The following ATP12A variants were observed in gnomAD, a reference collection of about 807,000 sequenced individuals.
The protein encoded by ATP12A is ATPase H+/K+ transporting non-gastric alpha2 subunit.
ATP12A carries 81 observed loss-of-function variants against 111.2 expected under a neutral mutation model. The observed-to-expected ratio is 0.73, with a 90% confidence interval of 0.61 to 0.88. ATP12A has a LOEUF of 0.88. ATP12A is among the 40% of genes least tolerant of loss of function. The probability of loss-of-function intolerance (pLI) is 0.00; values close to 1 mark genes in which losing one functional copy is unlikely to be tolerated. For missense variants in ATP12A, 1,196 were observed against 1,313.1 expected, an observed-to-expected ratio of 0.91 and a Z score of 1.38; for synonymous variants, 498 against 499.8, an observed-to-expected ratio of 1.00 and a Z score of 0.05.
At chr13:24,682,941 G>A (rs1593129437) in intron 2 of ATP12A, among the ~76,000 whole-genome samples, 1 of 148,882 alleles carries the variant, frequency 6.7e-6, no homozygotes, top group Non-Finnish European at 1.5e-5. Flanking sequence ...GAAGAGCTCT[G>A]GAGTTATTAA....
At chr13:24,708,950 AAAGAAAGAAAGAAGG>A (rs1194226587) in intron 17 of ATP12A, among the ~76,000 whole-genome samples, 13 of 131,572 alleles carry the variant, frequency 9.9e-5, no homozygotes, top group African/African-American at 3.4e-4. Context: ...AGAAAGAAAG[AAAGAAAGAAAGAAGG>A]AAAGAGAAAG....
rs1364737815 is a variant in ATP12A at position 24,680,531 on chromosome 13, C to G, written c.-213C>G. On this transcript the variant is annotated 5_prime_UTR_variant, in exon 1 of 23. Transcript: ENST00000381946. ...CTGGCGGGGACGTGGGCGGGGCGGGCGGCATTTAAGGCTGGTGCCACCTCC... is the reference window on the plus strand; with the variant it reads ...CTGGCGGGGACGTGGGCGGGGCGGGGGGCATTTAAGGCTGGTGCCACCTCC... The G allele has an allele frequency of 5.9e-6, 3 of 505,210 alleles. No individual in the cohort carries two copies. The highest frequency in any genetic ancestry group is 1.0e-5 in the Non-Finnish European group (3 of 299,208). 31.3% of individuals were successfully genotyped at this position (505,210 alleles called of 1,614,324 possible).
rs192022986 is a variant in ATP12A at position 24,701,607 on chromosome 13, A to G, written c.1882-328A>G. ...TCAGCCCCCATAATCCATGTTCATCATTACTAGGTTAATATTAAGACTGTT... is the reference window on the plus strand; with the variant it reads ...TCAGCCCCCATAATCCATGTTCATCGTTACTAGGTTAATATTAAGACTGTT... On this transcript the variant is annotated intron_variant, in intron 13 of 22. Coordinates refer to ENST00000381946, the MANE Select transcript of ATP12A (RefSeq NM_001676.7). Among the ~76,000 whole-genome samples the G allele has an allele frequency of 1.4e-3, 211 of 152,308 alleles. 1 individual carries two copies. Among genetic ancestry groups the G allele is most frequent in the African/African-American group, 4.5e-3 (188 of 41,568 alleles).
rs149586950 is a variant in ATP12A, at chr13:24,700,880, C to T, written c.1839C>T (p.Thr613=). ...CAATGATCGATCCCCCTCGGTCCAC[C>T]GTGCCAGATGCAGTCACCAAATGCC... ...LLSMIDPPRS[T]VPDAVTKCRS... is the part of the protein sequence containing the mutation. The change falls in exon 13 of 23, where the codon ACC becomes ACT. Residue 613 remains threonine (T), a synonymous_variant. Coordinates refer to ENST00000381946, the MANE Select transcript of ATP12A (RefSeq NM_001676.7). 242 of 1,614,154 alleles carry T rather than the reference C, an allele frequency of 1.5e-4. No homozygotes were observed. Among genetic ancestry groups the T allele is most frequent in the African/African-American group, 3.2e-4 (24 of 75,040 alleles).
rs867658895 is a variant in ATP12A, at chr13:24,711,805, T to G, written c.*283T>G. On this transcript the variant is annotated 3_prime_UTR_variant, in exon 23 of 23. Transcript: ENST00000381946. ...AGGGAAGAATGTGTTTATGTGTATT[T>G]GAAACTCCTTGATGTTAATAGTCTT... The G allele has an allele frequency of 2.7e-4, 131 of 490,624 alleles. 1 individual carries two copies. The highest frequency in any genetic ancestry group is 2.6e-3 in the South Asian group (122 of 46,490). 30.4% of individuals were successfully genotyped at this position (490,624 alleles called of 1,614,324 possible).
intron 12 of ATP12A, among the ~76,000 whole-genome samples, chr13:24,699,178 C>T (rs1343711719): frequency 2.0e-5 from 3 of 152,140 alleles, no homozygotes; most frequent in African/African-American, 7.2e-5. Flanking sequence ...GGCAGAACGG[C>T]GTGGGGCACA....
chr13:24,692,872 A>G lies in ATP12A; in HGVS notation c.1353A>G (p.Gly451=). 6.2e-7 allele frequency: 1 copy of G among 1,614,184 alleles called. No individual in the cohort carries two copies. Among genetic ancestry groups the G allele is most frequent in the Non-Finnish European group, 8.5e-7 (1 of 1,179,996 alleles). Residue 451 remains glycine, a synonymous_variant, in exon 10 of 23, where the codon GGA becomes GGG. Transcript: ENST00000381946. ...GTAACCGAGCAGAGTTCAAGCCAGG[A>G]CAGGAAAATGTCCCCATCATGAAGG... is the stretch of plus-strand genomic sequence containing the variant. ...TLCNRAEFKP[G]QENVPIMKKA...
intron 9 of ATP12A, 35 bp from the exon 10 acceptor site, chr13:24,692,752 C>A: frequency 6.2e-7 from 1 of 1,608,994 alleles, no homozygotes; most frequent in Non-Finnish European, 8.5e-7. Context: ...GCCAGCCCAA[C>A]CCACAGCAGC....
intron 12 of ATP12A, among the ~76,000 whole-genome samples, chr13:24,699,711 G>T (rs1429164267): frequency 6.6e-6 from 1 of 152,234 alleles, no homozygotes; most frequent in Non-Finnish European, 1.5e-5. Context: ...CAATGGGGGT[G>T]CCTGCGGTGT....
At chr13:24,702,922 T>C (rs1593141253) in intron 14 of ATP12A, among the ~76,000 whole-genome samples, 1 of 152,176 alleles carries the variant, frequency 6.6e-6, no homozygotes, top group Admixed American at 6.5e-5. Flanking sequence ...TGAGAAGTAA[T>C]GTTCATTAGC....
At chr13:24,694,386 G>A in intron 10 of ATP12A, 58 bp from the exon 11 acceptor site, 1 of 1,604,208 alleles carries the variant, frequency 6.2e-7, no homozygotes, top group East Asian at 2.2e-5. Flanking sequence ...GTCCTATGCT[G>A]AGGGCATGTT....
intron 4 of ATP12A, 35 bp downstream of exon 4, chr13:24,688,557 G>A (rs942798341): frequency 3.3e-6 from 5 of 1,494,702 alleles, no homozygotes; most frequent in South Asian, 1.5e-5. Flanking sequence ...TGGTTTTGCT[G>A]GCAGAGCCAT....
chr13:24,681,315 C>A (rs957846647), intron 1 of ATP12A, among the ~76,000 whole-genome samples: 24 of 152,254 alleles, frequency 1.6e-4, no homozygotes, highest in Middle Eastern at 3.4e-3. Context: ...AGAAGGGTCA[C>A]CCTGAGGAGC....
chr13:24,692,858 G>A lies in ATP12A; in HGVS notation c.1339G>A (p.Glu447Lys). The A allele has an allele frequency of 6.2e-7, 1 of 1,614,232 alleles. No individual in the cohort carries two copies. Among genetic ancestry groups the A allele is most frequent in the Non-Finnish European group, 8.5e-7 (1 of 1,180,048 alleles). Residue 447 changes from glutamate to lysine, a missense_variant, in exon 10 of 23, where the codon GAG becomes AAG. By Grantham distance (56) the Glu-to-Lys change is moderately conservative. This residue lies in a region of ATP12A where 1,126 missense variants were observed against 1,228.5 expected (regional missense o/e 0.92). Coordinates refer to ENST00000381946, the MANE Select transcript of ATP12A (RefSeq NM_001676.7). Reference protein sequence around the residue: ...SKIITLCNRAEFKPGQENVPI... With the variant: ...SKIITLCNRAKFKPGQENVPI... ...GATAATAACATTGTGTAACCGAGCA[G>A]AGTTCAAGCCAGGACAGGAAAATGT... is the stretch of plus-strand genomic sequence containing the variant.
chr13:24,692,169 TC>T (rs1210514741), intron 8 of ATP12A, among the ~76,000 whole-genome samples: 1 of 152,052 alleles, frequency 6.6e-6, no homozygotes, highest in African/African-American at 2.4e-5. Flanking sequence ...TGCCCGTGGG[TC>T]CCTTGTTTTC....
At chr13:24,711,004 C>T (rs372120952) in intron 21 of ATP12A, 111 bp downstream of exon 21, 21 of 975,846 alleles carry the variant, frequency 2.2e-5, no homozygotes, top group East Asian at 1.0e-4. Context: ...TTTCAAAAGA[C>T]GTCAAACTGA....
intron 11 of ATP12A, among the ~76,000 whole-genome samples, chr13:24,695,485 G>A (rs998076961): frequency 6.6e-6 from 1 of 152,092 alleles, no homozygotes; most frequent in Non-Finnish European, 1.5e-5. Flanking sequence ...TCTGGACTTG[G>A]GCTTTGCACA....
At chr13:24,681,271 G>T (rs961219507) in intron 1 of ATP12A, among the ~76,000 whole-genome samples, 1 of 152,122 alleles carries the variant, frequency 6.6e-6, no homozygotes, top group Non-Finnish European at 1.5e-5. Flanking sequence ...TCAGTCAGGA[G>T]TTGGGGGGGT....
Position 24,685,616 on chromosome 13 carries a change from C to A in ATP12A, c.228+243C>A, listed in dbSNP as rs1454765898. Among the ~76,000 whole-genome samples the A allele has an allele frequency of 6.6e-6, 1 of 152,118 alleles. No individual in the cohort carries two copies. The highest frequency in any genetic ancestry group is 1.9e-4 in the East Asian group (1 of 5,180). On this transcript the variant is annotated intron_variant, in intron 3 of 22. Coordinates refer to ENST00000381946, the MANE Select transcript of ATP12A (RefSeq NM_001676.7). The surrounding 1 kb of genome is among the most constrained non-coding windows in gnomAD (Gnocchi z 5.5). Reference sequence around the variant, plus strand: ...AAGAGGGACAGATGACCCCTGGCCTCAAGGAGAAAGTGGCCGGGTAGGGGA... The same window carrying A: ...AAGAGGGACAGATGACCCCTGGCCTAAAGGAGAAAGTGGCCGGGTAGGGGA...
Sources: gnomAD v4.1 joint callset for allele counts (sites outside exome capture counted in the v4.1 genomes callset) on GRCh38, gnomAD v4.1.1 for gene constraint, gnomAD v4.1.1 regional missense constraint, Gnocchi (gnomAD v3.1) non-coding constraint, MANE v1.5 for transcripts, NCBI Gene and HGNC (gene_info 2026-07-23, HGNC 2026-07-21) for gene names.